Variants in ZC3H6 observed in about 807,000 individuals in gnomAD.
The protein encoded by ZC3H6 is zinc finger CCCH-type containing 6.
A neutral mutation model predicts 107.7 loss-of-function variants in ZC3H6; 40 were observed. The ratio of observed to expected loss-of-function variants is 0.37; its 90% CI spans 0.29 to 0.48. The LOEUF (loss-of-function observed/expected upper bound fraction) is 0.48. Among genes scored for constraint, ZC3H6 ranks in the 20% least tolerant of loss-of-function variants. ZC3H6 has a pLI of 0.98. For synonymous variants in ZC3H6, 493 were observed against 487.9 expected (o/e 1.01, Z -0.14); for missense variants, 1,267 against 1,410.4 (o/e 0.90, Z 1.63).
intron 7 of ZC3H6, among the ~76,000 whole-genome samples, chr2:112,319,363 G>A (rs1267388355): frequency 6.6e-6 from 1 of 151,880 alleles, no homozygotes; most frequent in East Asian, 1.9e-4. Context: ...AAGAGGAAAG[G>A]GGCCAGGCAC....
chr2:112,317,406 T>C (rs190077614), intron 7 of ZC3H6, 74 bp downstream of exon 7: 107 of 792,098 alleles, frequency 1.4e-4, no homozygotes, highest in Admixed American at 5.7e-4. Context: ...TAAAAAATAA[T>C]AAATACACCC....
intron 7 of ZC3H6, among the ~76,000 whole-genome samples, chr2:112,321,238 TAAG>T (rs1676794937): frequency 6.6e-6 from 1 of 151,972 alleles, no homozygotes; most frequent in African/African-American, 2.4e-5. Flanking sequence ...CATGACATAT[TAAG>T]CCTCTTAATT....
At chr2:112,312,543 T>C (rs1439009980) in intron 5 of ZC3H6, among the ~76,000 whole-genome samples, 1 of 152,136 alleles carries the variant, frequency 6.6e-6, no homozygotes, top group South Asian at 2.1e-4. Flanking sequence ...TTGATTGAAT[T>C]ATAGAGGCAA....
chr2:112,331,275 G>A lies in ZC3H6; in HGVS notation c.2357G>A (p.Arg786Lys). 6.2e-7 allele frequency: 1 copy of A among 1,613,752 alleles called. No individual in the cohort carries two copies. The highest frequency in any genetic ancestry group is 1.1e-5 in the South Asian group (1 of 91,066). Residue 786 changes from arginine (R) to lysine (K), a missense_variant, in exon 12 of 12, where the codon AGG becomes AAG. Coordinates refer to ENST00000409871, the MANE Select transcript of ZC3H6 (RefSeq NM_198581.3). ...PLDLRLAWDP[R>K]KLRGNGSGHI... Reference sequence around the variant, plus strand: ...GATCTTAGACTTGCGTGGGATCCCAGGAAATTGAGAGGGAATGGAAGTGGT... The same window carrying A: ...GATCTTAGACTTGCGTGGGATCCCAAGAAATTGAGAGGGAATGGAAGTGGT...
intron 5 of ZC3H6, among the ~76,000 whole-genome samples, chr2:112,314,942 C>T (rs1004028692): frequency 1.1e-4 from 17 of 152,166 alleles, no homozygotes; most frequent in Non-Finnish European, 8.8e-5. Context: ...AGAATTCTTA[C>T]AGTAAAATGT....
chr2:112,288,137 A>G (rs1032457382), intron 1 of ZC3H6, among the ~76,000 whole-genome samples: 18 of 152,178 alleles, frequency 1.2e-4, no homozygotes, highest in Non-Finnish European at 2.9e-5. Flanking sequence ...TGAGTGTTGC[A>G]TAGAGATGGA....
chr2:112,303,663 A>C (rs1676424893), intron 3 of ZC3H6, among the ~76,000 whole-genome samples: 1 of 152,124 alleles, frequency 6.6e-6, no homozygotes, highest in Admixed American at 6.5e-5. Flanking sequence ...TATCTGGCTT[A>C]TTTCACTTAA....
chr2:112,290,153 A>G (rs1483550934), intron 1 of ZC3H6, among the ~76,000 whole-genome samples: 1 of 152,212 alleles, frequency 6.6e-6, no homozygotes, highest in African/African-American at 2.4e-5. Flanking sequence ...TCCAAATCCC[A>G]TACTGTCACC....
intron 11 of ZC3H6, among the ~76,000 whole-genome samples, chr2:112,326,597 T>C (rs569089581): frequency 2.6e-4 from 39 of 152,268 alleles, no homozygotes; most frequent in Admixed American, 1.6e-3. Context: ...ACATTTTCTT[T>C]ATCCATTGTC....
Position 112,331,732 on chromosome 2 carries a change from TAACAC to T in ZC3H6, c.2819_2823del (p.Thr940LysfsTer18). Reference sequence around the variant, plus strand: ...CAAAATTAGCAGCCAAAGCCAAAATTAACACAACAAACAGAGAAGGCTACCTAGAA... The same window carrying T: ...CAAAATTAGCAGCCAAAGCCAAAATTAACAAACAGAGAAGGCTACCTAGAA... On this transcript the variant is annotated frameshift_variant, in exon 12 of 12. Coordinates refer to ENST00000409871, the MANE Select transcript of ZC3H6 (RefSeq NM_198581.3). LOFTEE classifies it high-confidence loss of function. 1 of 1,613,662 alleles carries T rather than the reference TAACAC, an allele frequency of 6.2e-7. No individual in the cohort carries two copies. Among genetic ancestry groups the T allele is most frequent in the Non-Finnish European group, 8.5e-7 (1 of 1,179,818 alleles).
intron 1 of ZC3H6, among the ~76,000 whole-genome samples, chr2:112,278,448 G>A (rs1251240567): frequency 6.6e-6 from 1 of 152,130 alleles, no homozygotes; most frequent in Non-Finnish European, 1.5e-5. Flanking sequence ...CTCCTGAGTA[G>A]CTGGGATTAC....
At chr2:112,302,028 T>A (rs565739049) in intron 2 of ZC3H6, among the ~76,000 whole-genome samples, 1 of 152,042 alleles carries the variant, frequency 6.6e-6, no homozygotes, top group East Asian at 1.9e-4. Flanking sequence ...AAATTAATTC[T>A]AGAGAGTCAA....
At chr2:112,323,205 G>A (rs1223262186) in intron 9 of ZC3H6, among the ~76,000 whole-genome samples, 1 of 152,186 alleles carries the variant, frequency 6.6e-6, no homozygotes, top group Non-Finnish European at 1.5e-5. Flanking sequence ...CATTGTCATT[G>A]ATAATGCCTT....
chr2:112,329,208 T>C (rs532455365), intron 11 of ZC3H6, among the ~76,000 whole-genome samples: 208 of 152,286 alleles, frequency 1.4e-3, no homozygotes, highest in Non-Finnish European at 2.3e-3. Flanking sequence ...TTATCTAATA[T>C]CTGTTTTCCA....
At chr2:112,276,972 TAC>T (rs1420062804) in intron 1 of ZC3H6, among the ~76,000 whole-genome samples, 3 of 152,132 alleles carry the variant, frequency 2.0e-5, no homozygotes, top group African/African-American at 7.2e-5. Context: ...AGAAAAAATA[TAC>T]GTTTTACTAT....
chr2:112,316,647 T>A, intron 6 of ZC3H6, 61 bp downstream of exon 6: 1 of 1,098,082 alleles, frequency 9.1e-7, no homozygotes, highest in South Asian at 1.6e-5. Flanking sequence ...AAAATTAAAG[T>A]CTTTTGGGGG....
At chr2:112,323,597 A>G (rs1676845870) in intron 9 of ZC3H6, among the ~76,000 whole-genome samples, 1 of 152,220 alleles carries the variant, frequency 6.6e-6, no homozygotes, top group Non-Finnish European at 1.5e-5. Flanking sequence ...TTAGAAGTGG[A>G]GTGGCAGCCT....
In ZC3H6 at chr2:112,289,711, A is replaced by G. The variant is rs559331214; in HGVS notation, c.33-10138A>G. Among the ~76,000 whole-genome samples the G allele has an allele frequency of 8.0e-5, 12 of 150,132 alleles. No individual in the cohort carries two copies. In the East Asian group the frequency reaches 2.4e-3, roughly 30 times the overall value. ...GCTTTATATGATTTTCTGGCTTCAT[A>G]TGATTTAAATATTTTTACCGTTTTT... On this transcript the variant is annotated intron_variant, in intron 1 of 11. Transcript: ENST00000409871.
intron 1 of ZC3H6, among the ~76,000 whole-genome samples, chr2:112,284,912 G>GA (rs1430883860): frequency 1.3e-5 from 2 of 149,362 alleles, no homozygotes; most frequent in African/African-American, 4.9e-5. Context: ...TTGAGTCTGA[G>GA]AAAAAAAAGG....
Sources: gnomAD v4.1 joint callset for allele counts (sites outside exome capture counted in the v4.1 genomes callset) on GRCh38, gnomAD v4.1.1 for gene constraint, MANE v1.5 for transcripts, NCBI Gene and HGNC (gene_info 2026-07-23, HGNC 2026-07-21) for gene names.